Variants in MYT1L observed in about 807,000 individuals in gnomAD.
MYT1L encodes myelin transcription factor 1 like, also known as myelin transcription factor 1-like protein.
MYT1L carries 12 observed loss-of-function variants against 126.7 expected under a neutral mutation model. That is an observed-to-expected ratio of 0.09 (90% confidence interval 0.06 to 0.15). The LOEUF is 0.15. MYT1L is among the 10% of genes least tolerant of loss of function. The pLI is 1.00. For missense variants in MYT1L, 979 were observed against 1,585.2 expected, an observed-to-expected ratio of 0.62 and a Z score of 6.49; for synonymous variants, 541 against 604.2, an observed-to-expected ratio of 0.90 and a Z score of 1.53.
At chr2:2,078,009 T>C (rs2075402243) in intron 3 of MYT1L, among the ~76,000 whole-genome samples, 1 of 152,144 alleles carries the variant, frequency 6.6e-6, no homozygotes, top group African/African-American at 2.4e-5. Context: ...GCTTATAAGG[T>C]ATAAAGAAGT....
At chr2:2,191,705 C>A (rs1320147647) in intron 2 of MYT1L, among the ~76,000 whole-genome samples, 1 of 152,168 alleles carries the variant, frequency 6.6e-6, no homozygotes, top group Non-Finnish European at 1.5e-5. Context: ...AATCAAGACC[C>A]TTTGAATATG....
intron 3 of MYT1L, among the ~76,000 whole-genome samples, chr2:2,132,014 T>C (rs1301815816): frequency 6.6e-6 from 1 of 150,474 alleles, no homozygotes; most frequent in Non-Finnish European, 1.5e-5. Flanking sequence ...GTTCAAGTGA[T>C]TCTCCCACCT....
At chr2:2,205,286 A>G (rs956343430) in intron 2 of MYT1L, among the ~76,000 whole-genome samples, 3 of 152,098 alleles carry the variant, frequency 2.0e-5, no homozygotes, top group Non-Finnish European at 4.4e-5. Flanking sequence ...TAAAAAAACT[A>G]TAATATACAA....
intron 3 of MYT1L, among the ~76,000 whole-genome samples, chr2:2,154,427 C>G (rs577534098): frequency 6.6e-6 from 1 of 152,274 alleles, no homozygotes; most frequent in South Asian, 2.1e-4. Flanking sequence ...ATGGAATCAA[C>G]CTAAATGCCT....
Position 1,849,637 on chromosome 2 carries a change from C to T in MYT1L, c.2774+2004G>A, listed in dbSNP as rs374180076. On this transcript the variant is annotated intron_variant, in intron 19 of 24. Coordinates refer to ENST00000647738, the MANE Select transcript of MYT1L (RefSeq NM_001303052.2). ...CCCACGGTGCGGAGGACGGCCCCCA[C>T]GGCAAACAGCCATCTGCCCCCACTT... Among the ~76,000 whole-genome samples, 4 of 152,234 alleles carry T rather than the reference C, an allele frequency of 2.6e-5. No homozygotes were observed. The South Asian group carries it at 6.2e-4, about 24-fold the overall frequency.
intron 2 of MYT1L, among the ~76,000 whole-genome samples, chr2:2,241,275 TTGTGTGTG>T (rs35742332): frequency 6.6e-6 from 1 of 150,746 alleles, no homozygotes; most frequent in African/African-American, 2.4e-5. Flanking sequence ...AATACATCTT[TTGTGTGTG>T]TGTGTGTGTG....
chr2:1,942,848 G>T, intron 9 of MYT1L, 134 bp downstream of exon 9: 1 of 1,161,768 alleles, frequency 8.6e-7, no homozygotes, highest in Non-Finnish European at 1.2e-6. Context: ...TCATATAAGA[G>T]GTTAATTTTC....
rs1477570774 is a variant in MYT1L at position 1,943,897 on chromosome 2, T to A, written c.153-563A>T. 6.6e-6 allele frequency among the ~76,000 whole-genome samples: 1 copy of A among 152,202 alleles called. No homozygotes were observed. The highest frequency in any genetic ancestry group is 2.1e-4 in the South Asian group (1 of 4,828). On this transcript the variant is annotated intron_variant, in intron 8 of 24. Coordinates refer to ENST00000647738, the MANE Select transcript of MYT1L (RefSeq NM_001303052.2). This position sits in a 1 kb window ranked among gnomAD's most constrained non-coding sequence, Gnocchi z 4.4. ...CAAGATGAGCCCTAGGGCTTGTCAA[T>A]GTTGTATGAAAGCAACTGCATCATT...
At position 2,229,184 on chromosome 2, in the gene MYT1L, T is replaced by C. The variant is rs1277265335; in HGVS notation, c.-421+55220A>G. On this transcript the variant is annotated intron_variant, in intron 2 of 24. Coordinates refer to ENST00000647738, the MANE Select transcript of MYT1L (RefSeq NM_001303052.2). ...TCTTCTCTATACAAATAGAATCACA[T>C]TATTCCATACATTTGAAATGAGTTC... Among the ~76,000 whole-genome samples the C allele has an allele frequency of 2.0e-5, 3 of 152,236 alleles. No individual in the cohort carries two copies. In the East Asian group the frequency reaches 5.8e-4, roughly 29 times the overall value.
At chr2:1,980,335 T>C (rs1483246564) in intron 5 of MYT1L, among the ~76,000 whole-genome samples, 2 of 148,784 alleles carry the variant, frequency 1.3e-5, no homozygotes, top group African/African-American at 4.9e-5. Context: ...CACACACACA[T>C]ATATATATAA....
intron 8 of MYT1L, among the ~76,000 whole-genome samples, chr2:1,966,820 T>C (rs2149418215): frequency 6.6e-6 from 1 of 151,086 alleles, no homozygotes; most frequent in South Asian, 2.1e-4. Context: ...ACATCGATCA[T>C]ATGAGACTAA....
At chr2:2,306,704 C>T (rs1165693972) in intron 1 of MYT1L, among the ~76,000 whole-genome samples, 1 of 152,150 alleles carries the variant, frequency 6.6e-6, no homozygotes, top group Non-Finnish European at 1.5e-5. Flanking sequence ...TGATGGTGCT[C>T]TGGTCACAGC....
intron 22 of MYT1L, among the ~76,000 whole-genome samples, chr2:1,807,817 A>C (rs2035954109): frequency 2.0e-5 from 3 of 152,168 alleles, no homozygotes; most frequent in Non-Finnish European, 2.9e-5. Context: ...CGATCAATAA[A>C]AAACCCTGTT....
intron 1 of MYT1L, among the ~76,000 whole-genome samples, chr2:2,320,259 G>A (rs2096138392): frequency 6.6e-6 from 1 of 151,974 alleles, no homozygotes; most frequent in Non-Finnish European, 1.5e-5. Flanking sequence ...CTGGGGATGA[G>A]GGTCTTGGTG....
intron 9 of MYT1L, among the ~76,000 whole-genome samples, chr2:1,934,824 C>G (rs1391474599): frequency 1.3e-5 from 2 of 151,880 alleles, no homozygotes; most frequent in African/African-American, 4.8e-5. Context: ...GACTCCCTGT[C>G]CCCAGAGTGA....
chr2:2,153,850 C>T (rs999152643), intron 3 of MYT1L, among the ~76,000 whole-genome samples: 2 of 152,020 alleles, frequency 1.3e-5, no homozygotes, highest in African/African-American at 4.8e-5. Flanking sequence ...GCAGCAAGGG[C>T]TGAGGGAGGG....
intron 21 of MYT1L, among the ~76,000 whole-genome samples, chr2:1,834,456 C>T (rs905229085): frequency 6.6e-6 from 1 of 152,188 alleles, no homozygotes; most frequent in Non-Finnish European, 1.5e-5. Flanking sequence ...TGAAGGCTTG[C>T]TCAACAGAGA....
chr2:2,005,497 G>T lies in MYT1L; in HGVS notation c.-157-8150C>A, dbSNP rs146684152. Among the ~76,000 whole-genome samples the T allele has an allele frequency of 7.6e-3, 43 of 5,692 alleles. 1 individual carries two copies. Among genetic ancestry groups the T allele is most frequent in the Admixed American group, 0.019 (11 of 594 alleles). 3.7% of individuals were successfully genotyped at this position (5,692 alleles called of 152,430 possible). A position where few individuals can be genotyped will look rare whatever the true frequency, so the allele number is the denominator to read the frequency against. On this transcript the variant is annotated intron_variant, in intron 4 of 24. Transcript: ENST00000647738. Reference sequence around the variant, plus strand: ...TTTCCTGAATGCGTTCTTTCCTGCAGGCATTCTTTCCTGCATGTGTTCTTT... The same window carrying T: ...TTTCCTGAATGCGTTCTTTCCTGCATGCATTCTTTCCTGCATGTGTTCTTT...
At position 2,056,456 on chromosome 2, in the gene MYT1L, G is replaced by T. The variant is rs189563307; in HGVS notation, c.-303-2333C>A. 2.1e-3 allele frequency among the ~76,000 whole-genome samples: 323 copies of T among 152,310 alleles called. 4 individuals are homozygous for T. The highest frequency in any genetic ancestry group is 6.6e-4 in the Non-Finnish European group (45 of 68,024). On this transcript the variant is annotated intron_variant, in intron 3 of 24. Transcript: ENST00000647738. ...ACTATAGGCTAAATGCCCTTGCAGG[G>T]TATATGATGCTGCTGCTTACTAAAT... is the stretch of plus-strand genomic sequence containing the variant.
Sources: gnomAD v4.1 joint callset for allele counts (sites outside exome capture counted in the v4.1 genomes callset) on GRCh38, gnomAD v4.1.1 for gene constraint, Gnocchi (gnomAD v3.1) non-coding constraint, MANE v1.5 for transcripts, NCBI Gene and HGNC (gene_info 2026-07-23, HGNC 2026-07-21) for gene names.